CADM2: variants seen among roughly 807,000 people sequenced by gnomAD.
CADM2 encodes the protein immunoglobulin superfamily member 4D.
Under a neutral mutation model 49.8 loss-of-function variants are expected in CADM2, and 12 were observed. The observed-to-expected ratio is 0.24, with a 90% CI of 0.15 to 0.39. The LOEUF is 0.39. CADM2 is among the 10% of genes least tolerant of loss of function. The pLI, the probability that CADM2 is intolerant of heterozygous loss-of-function variation, is 1.00. For missense variants in CADM2, 378 were observed against 492.3 expected, an observed-to-expected ratio of 0.77 and a Z score of 2.20; for synonymous variants, 214 against 175.4, an observed-to-expected ratio of 1.22 and a Z score of -1.74.
intron 2 of CADM2, among the ~76,000 whole-genome samples, chr3:85,748,293 ATTC>A (rs1350258595): frequency 1.3e-5 from 2 of 151,992 alleles, no homozygotes; most frequent in Admixed American, 6.6e-5. Flanking sequence ...GTTCATTTAT[ATTC>A]TTCTTATAAT....
intron 3 of CADM2, among the ~76,000 whole-genome samples, chr3:85,850,646 C>A (rs962418450): frequency 1.3e-5 from 2 of 152,030 alleles, no homozygotes; most frequent in Non-Finnish European, 2.9e-5. Context: ...TGTCATAAGA[C>A]GTTCCTTTCT....
rs1221672484 is a variant in CADM2, at chr3:85,359,659, TATATA to T, written c.62-366862_62-366858del. ...CAGCATATATATATATATATATATA[TATATA>T]TATTTTTTTTTTTGGTGGAGGGGAG... On this transcript the variant is annotated intron_variant, in intron 1 of 9. Transcript: ENST00000383699. Among the ~76,000 whole-genome samples the T allele has an allele frequency of 1.7e-4, 4 of 23,812 alleles. 1 individual carries two copies. The highest frequency in any genetic ancestry group is 2.9e-4 in the African/African-American group (3 of 10,502). The allele number at this position is 23,812 out of a possible 152,430, so 15.6% of individuals were successfully genotyped here.
chr3:85,366,680 G>T (rs2032810605), intron 1 of CADM2, among the ~76,000 whole-genome samples: 1 of 151,988 alleles, frequency 6.6e-6, no homozygotes, highest in African/African-American at 2.4e-5. Context: ...TGTTTTAAAT[G>T]ACTTGAAATA....
intron 8 of CADM2, among the ~76,000 whole-genome samples, chr3:85,968,156 T>G (rs1725690574): frequency 6.6e-6 from 1 of 151,626 alleles, no homozygotes. Flanking sequence ...GTTGGATGAT[T>G]CTTAAAACAG....
At chr3:85,953,510 TG>T (rs1407592590) in intron 7 of CADM2, among the ~76,000 whole-genome samples, 1 of 150,938 alleles carries the variant, frequency 6.6e-6, no homozygotes, top group East Asian at 2.0e-4. Flanking sequence ...GTCAAAATTC[TG>T]CTATAATTAA....
Position 84,964,828 on chromosome 3 carries a change from G to A in CADM2, c.61+5160G>A, listed in dbSNP as rs79492724. On this transcript the variant is annotated intron_variant, in intron 1 of 9. Transcript: ENST00000383699. ...AATAATATATATGTCCTAATTACTTGTGATGGGATTAAATGATCTCTTCTT... is the reference window on the plus strand; with the variant it reads ...AATAATATATATGTCCTAATTACTTATGATGGGATTAAATGATCTCTTCTT... Among the ~76,000 whole-genome samples the A allele has an allele frequency of 2.0e-5, 3 of 152,268 alleles. No homozygotes were observed. The South Asian group carries it at 6.2e-4, about 32-fold the overall frequency.
chr3:85,699,880 A>G (rs891572936), intron 1 of CADM2, among the ~76,000 whole-genome samples: 12 of 152,152 alleles, frequency 7.9e-5, no homozygotes, highest in Admixed American at 7.2e-4. Context: ...TTTCTATCAA[A>G]TGGGCAGGCT....
intron 5 of CADM2, among the ~76,000 whole-genome samples, chr3:85,908,411 C>T (rs1285510438): frequency 6.6e-6 from 1 of 151,242 alleles, no homozygotes; most frequent in African/African-American, 2.4e-5. Context: ...AAGGAGATTG[C>T]TATTCTACAA....
At chr3:85,840,561 C>G (rs936756572) in intron 3 of CADM2, among the ~76,000 whole-genome samples, 29 of 151,894 alleles carry the variant, frequency 1.9e-4, no homozygotes, top group African/African-American at 7.0e-4. Context: ...ATTGATCCCT[C>G]AATTCAATTA....
In CADM2 at chr3:85,608,737, T is replaced by C. The variant is rs529598704; in HGVS notation, c.62-117785T>C. Among the ~76,000 whole-genome samples the C allele has an allele frequency of 3.9e-5, 6 of 152,292 alleles. No individual in the cohort carries two copies. The South Asian group carries it at 1.2e-3, about 32-fold the overall frequency. On this transcript the variant is annotated intron_variant, in intron 1 of 9. Coordinates refer to ENST00000383699, the MANE Select transcript of CADM2 (RefSeq NM_001167675.2). Reference sequence around the variant, plus strand: ...CTAGGATAATTGAAGCTCTATCTTATCACTAAGATTTCTCTTGTCCTGTTG... The same window carrying C: ...CTAGGATAATTGAAGCTCTATCTTACCACTAAGATTTCTCTTGTCCTGTTG...
chr3:85,086,148 AT>A (rs772418481), intron 1 of CADM2, among the ~76,000 whole-genome samples: 31 of 152,188 alleles, frequency 2.0e-4, no homozygotes, highest in Non-Finnish European at 4.1e-4. Flanking sequence ...TAGGAAAAAA[AT>A]ATTAAGATGT....
At chr3:85,071,477 T>A (rs1162382590) in intron 1 of CADM2, among the ~76,000 whole-genome samples, 1 of 152,158 alleles carries the variant, frequency 6.6e-6, no homozygotes, top group Non-Finnish European at 1.5e-5. Flanking sequence ...TTACAAGTAG[T>A]GCCACCAAAT....
intron 1 of CADM2, among the ~76,000 whole-genome samples, chr3:85,552,921 C>G (rs552005494): frequency 6.6e-6 from 1 of 152,142 alleles, no homozygotes; most frequent in African/African-American, 2.4e-5. Flanking sequence ...TCATGATCCA[C>G]CTGCCTCGGC....
intron 8 of CADM2, among the ~76,000 whole-genome samples, chr3:86,010,803 A>G (rs1454582179): frequency 6.6e-6 from 1 of 151,720 alleles, no homozygotes; most frequent in East Asian, 1.9e-4. Context: ...TCCAACTAAG[A>G]AAAGAAAAAT....
At chr3:85,556,097 TAC>T (rs1233090308) in intron 1 of CADM2, among the ~76,000 whole-genome samples, 38 of 152,168 alleles carry the variant, frequency 2.5e-4, no homozygotes, top group Non-Finnish European at 4.4e-4. Flanking sequence ...ACTGATAGCC[TAC>T]TGTTGACTGG....
chr3:85,656,091 G>A (rs2065188356), intron 1 of CADM2, among the ~76,000 whole-genome samples: 1 of 151,950 alleles, frequency 6.6e-6, no homozygotes, highest in Non-Finnish European at 1.5e-5. Flanking sequence ...CTACAGTGGA[G>A]TGAATGAAAT....
intron 3 of CADM2, among the ~76,000 whole-genome samples, chr3:85,837,449 T>C (rs1412973488): frequency 2.0e-5 from 3 of 151,602 alleles, no homozygotes; most frequent in African/African-American, 7.3e-5. Flanking sequence ...TTTCGCAATA[T>C]TAAGGAAGAA....
chr3:85,496,383 G>C (rs2039898425), intron 1 of CADM2, among the ~76,000 whole-genome samples: 1 of 152,084 alleles, frequency 6.6e-6, no homozygotes, highest in Non-Finnish European at 1.5e-5. Context: ...TTCATTCTTT[G>C]TATGGATGCA....
At chr3:85,747,874 T>TA (rs1181861003) in intron 2 of CADM2, among the ~76,000 whole-genome samples, 1 of 152,086 alleles carries the variant, frequency 6.6e-6, no homozygotes. Context: ...CTGAATGAAT[T>TA]ATGTGCTGTA....
Sources: gnomAD v4.1 joint callset for allele counts (sites outside exome capture counted in the v4.1 genomes callset) on GRCh38, gnomAD v4.1.1 for gene constraint, MANE v1.5 for transcripts, NCBI Gene and HGNC (gene_info 2026-07-23, HGNC 2026-07-21) for gene names.